Variants in SMARCA2 observed in about 807,000 individuals in gnomAD.
SMARCA2 encodes SWI/SNF-related matrix-associated actin-dependent regulator of chromatin subfamily A member 2.
SMARCA2 carries 61 observed loss-of-function variants against 199.8 expected under a neutral mutation model. The ratio of observed to expected loss-of-function variants is 0.31; its 90% CI spans 0.25 to 0.38. The LOEUF (loss-of-function observed/expected upper bound fraction) is 0.38. Ranked by LOEUF, SMARCA2 falls within the 10% of genes least tolerant of loss-of-function variation. SMARCA2 has a pLI of 1.00. For synonymous variants in SMARCA2, 935 were observed against 732.0 expected (o/e 1.28, Z -4.48); for missense variants, 1,344 against 2,012.2 (o/e 0.67, Z 6.35).
intron 28 of SMARCA2, among the ~76,000 whole-genome samples, chr9:2,163,500 T>C (rs1302577093): frequency 6.6e-6 from 1 of 152,152 alleles, no homozygotes; most frequent in African/African-American, 2.4e-5. Flanking sequence ...ACCCCCAAGC[T>C]CCCCTTGTAT....
At chr9:2,034,347 TCA>T (rs1301302199) in intron 3 of SMARCA2, among the ~76,000 whole-genome samples, 3 of 151,592 alleles carry the variant, frequency 2.0e-5, no homozygotes, top group Non-Finnish European at 4.4e-5. Flanking sequence ...ACAATTCAAC[TCA>T]CAACAATGGC....
In SMARCA2 at chr9:2,119,338, CT is replaced by C. The variant is rs1241687823; in HGVS notation, c.3685-118del. 1 of 665,520 alleles carries C rather than the reference CT, an allele frequency of 1.5e-6. No homozygotes were observed. The highest frequency in any genetic ancestry group is 2.7e-6 in the Non-Finnish European group (1 of 372,460). The allele number at this position is 665,520 out of a possible 1,614,324, so 41.2% of individuals were successfully genotyped here. ...CGTCAAGGACTAAATCCAGCAACCCCTTCCCTTTTCTTTCTGCCTTGAGAAA... is the reference window on the plus strand; with the variant it reads ...CGTCAAGGACTAAATCCAGCAACCCCTCCCTTTTCTTTCTGCCTTGAGAAA... On this transcript the variant is annotated intron_variant, in intron 25 of 33. Transcript: ENST00000349721. This position sits in a 1 kb window ranked among gnomAD's most constrained non-coding sequence, Gnocchi z 4.6.
At chr9:2,103,682 G>GAGAGAC (rs1822629662) in intron 22 of SMARCA2, among the ~76,000 whole-genome samples, 1 of 151,822 alleles carries the variant, frequency 6.6e-6, no homozygotes, top group African/African-American at 2.4e-5. Flanking sequence ...GAGAGAGAGA[G>GAGAGAC]AGAGGGCGAG....
intron 27 of SMARCA2, among the ~76,000 whole-genome samples, chr9:2,145,043 T>C (rs967772436): frequency 6.6e-6 from 1 of 152,200 alleles, no homozygotes; most frequent in Non-Finnish European, 1.5e-5. Context: ...CTCATGCCTG[T>C]AATCCCAGCA....
At chr9:2,111,891 G>C (rs373032473) in intron 24 of SMARCA2, among the ~76,000 whole-genome samples, 1 of 152,086 alleles carries the variant, frequency 6.6e-6, no homozygotes, top group Non-Finnish European at 1.5e-5. Flanking sequence ...GGGCCACTGC[G>C]TGTACTTACC....
intron 5 of SMARCA2, among the ~76,000 whole-genome samples, chr9:2,052,638 G>C (rs7863682): frequency 6.6e-6 from 1 of 152,092 alleles, no homozygotes; most frequent in Non-Finnish European, 1.5e-5. Context: ...CTGAAAAATA[G>C]TTTTCCTTAC....
At chr9:2,045,801 A>T (rs888095749) in intron 4 of SMARCA2, 2 of 149,314 alleles carry the variant, frequency 1.3e-5, no homozygotes, top group African/African-American at 5.0e-5. Context: ...TTTTAGAAGG[A>T]GGGGAAAAGA....
intron 4 of SMARCA2, 120 bp downstream of exon 4, chr9:2,040,020 C>A: frequency 6.6e-7 from 1 of 1,508,012 alleles, no homozygotes; most frequent in South Asian, 1.3e-5. Context: ...TTATACCTCA[C>A]TGGCTCTCTA....
At position 2,039,890 on chromosome 9, in the gene SMARCA2, C is replaced by G. The variant is rs546265657; in HGVS notation, c.780C>G (p.Asn260Lys). The G allele has an allele frequency of 3.1e-6, 5 of 1,613,852 alleles. No homozygotes were observed. The African/African-American group carries it at 6.7e-5, about 22-fold the overall frequency. Residue 260 changes from asparagine to lysine, a missense_variant, in exon 4 of 34, where the codon AAC becomes AAG. Coordinates refer to ENST00000349721, the MANE Select transcript of SMARCA2 (RefSeq NM_003070.5). The surrounding 1 kb of genome is among the most constrained non-coding windows in gnomAD (Gnocchi z 4.8). The part of the protein sequence containing the change: ...QQQQPALVNY[N>K]RPSGPGPELS... ...AGCAGCCGGCCCTTGTTAACTACAA[C>G]AGACCATCTGGTAGGTTAATACGCA...
intron 17 of SMARCA2, among the ~76,000 whole-genome samples, chr9:2,084,929 A>T (rs959210611): frequency 6.6e-6 from 1 of 152,218 alleles, no homozygotes; most frequent in African/African-American, 2.4e-5. Context: ...CTTTCGTGGA[A>T]CAAATAATGA....
chr9:2,066,525 T>G (rs1358969818), intron 9 of SMARCA2, among the ~76,000 whole-genome samples: 1 of 152,218 alleles, frequency 6.6e-6, no homozygotes, highest in Non-Finnish European at 1.5e-5. Flanking sequence ...TTTGAGTAAT[T>G]TTTAGTTATG....
chr9:2,060,646 T>C (rs1480824213), intron 8 of SMARCA2, among the ~76,000 whole-genome samples, 170 bp from the exon 9 acceptor site: 1 of 152,184 alleles, frequency 6.6e-6, no homozygotes, highest in Non-Finnish European at 1.5e-5. Context: ...CACACTTCTG[T>C]GTGTTTGTCC....
intron 27 of SMARCA2, among the ~76,000 whole-genome samples, chr9:2,153,189 C>G (rs751795030): frequency 5.9e-5 from 9 of 152,266 alleles, no homozygotes; most frequent in Middle Eastern, 3.4e-3. Flanking sequence ...ATAGAAAAGA[C>G]GTGTATTCTA....
intron 4 of SMARCA2, chr9:2,040,917 G>A (rs756468540): frequency 2.0e-4 from 31 of 154,238 alleles, no homozygotes; most frequent in Non-Finnish European, 4.2e-4. Context: ...TTAAAGAACT[G>A]GAAAAGCAGA....
chr9:2,070,263 G>C (rs562206429), intron 9 of SMARCA2, among the ~76,000 whole-genome samples, 155 bp from the exon 10 acceptor site: 1 of 152,260 alleles, frequency 6.6e-6, no homozygotes, highest in East Asian at 1.9e-4. Context: ...TTTTGTCTCA[G>C]CAAAGACAAA....
intron 21 of SMARCA2, among the ~76,000 whole-genome samples, chr9:2,099,263 A>G (rs1275389200): frequency 6.6e-6 from 1 of 152,180 alleles, no homozygotes; most frequent in East Asian, 1.9e-4. Flanking sequence ...AAGTCTAATG[A>G]TGAAACTGTC....
At chr9:2,144,020 C>G (rs983154141) in intron 27 of SMARCA2, among the ~76,000 whole-genome samples, 11 of 152,086 alleles carry the variant, frequency 7.2e-5, no homozygotes, top group African/African-American at 2.7e-4. Flanking sequence ...ACCCAATAAC[C>G]TAGTGCAATA....
At chr9:2,121,008 G>C (rs1823435503) in intron 26 of SMARCA2, among the ~76,000 whole-genome samples, 1 of 152,138 alleles carries the variant, frequency 6.6e-6, no homozygotes, top group African/African-American at 2.4e-5. Context: ...GATTACTGGG[G>C]AACACCCAAG....
intron 5 of SMARCA2, among the ~76,000 whole-genome samples, chr9:2,048,435 A>G (rs1306857640): frequency 6.6e-6 from 1 of 152,240 alleles, no homozygotes; most frequent in East Asian, 1.9e-4. Flanking sequence ...ATACTGAAAC[A>G]TTCAATAAAT....
Sources: gnomAD v4.1 joint callset for allele counts (sites outside exome capture counted in the v4.1 genomes callset) on GRCh38, gnomAD v4.1.1 for gene constraint, Gnocchi (gnomAD v3.1) non-coding constraint, MANE v1.5 for transcripts, NCBI Gene and HGNC (gene_info 2026-07-23, HGNC 2026-07-21) for gene names.